SLC35F1: variants seen among roughly 807,000 people sequenced by gnomAD.
The protein encoded by SLC35F1 is solute carrier family 35 member F1.
A neutral mutation model predicts 48.7 loss-of-function variants in SLC35F1; 14 were observed. The ratio of observed to expected loss-of-function variants is 0.29; its 90% CI spans 0.19 to 0.45. The LOEUF is 0.45. Ranked by LOEUF, SLC35F1 falls within the 20% of genes least tolerant of loss-of-function variation. The probability of loss-of-function intolerance (pLI) is 1.00; values close to 1 mark genes in which losing one functional copy is unlikely to be tolerated. For synonymous variants in SLC35F1, 190 were observed against 202.2 expected (o/e 0.94, Z 0.51); for missense variants, 404 against 500.0 (o/e 0.81, Z 1.83).
At chr6:117,981,282 T>C (rs1306205200) in intron 1 of SLC35F1, among the ~76,000 whole-genome samples, 1 of 152,006 alleles carries the variant, frequency 6.6e-6, no homozygotes, top group East Asian at 1.9e-4. Flanking sequence ...GCTGGAGACA[T>C]GGAGATGGTG....
chr6:118,116,795 C>T (rs1453444791), intron 1 of SLC35F1, among the ~76,000 whole-genome samples: 1 of 152,144 alleles, frequency 6.6e-6, no homozygotes, highest in Non-Finnish European at 1.5e-5. Flanking sequence ...AATTTTGACC[C>T]ATGACTTTGC....
chr6:118,297,642 A>ATAT (rs1158125735), intron 7 of SLC35F1, among the ~76,000 whole-genome samples: 3 of 37,460 alleles, frequency 8.0e-5, no homozygotes, highest in South Asian at 7.7e-4. Context: ...ATATATAAAA[A>ATAT]ATATATATAT....
At chr6:118,048,766 A>G (rs7773823) in intron 1 of SLC35F1, among the ~76,000 whole-genome samples, 74,903 of 152,016 alleles carry the variant, frequency 0.49, 19,540 homozygotes, top group Middle Eastern at 0.63. Context: ...AAGAATCAAT[A>G]TCGTGAAAAT....
At chr6:117,918,077 G>T (rs1463656140) in intron 1 of SLC35F1, among the ~76,000 whole-genome samples, 1 of 152,146 alleles carries the variant, frequency 6.6e-6, no homozygotes, top group African/African-American at 2.4e-5. Flanking sequence ...GAACCCTGTG[G>T]CTGTGGCAAC....
At chr6:117,993,567 C>T (rs1776947350) in intron 1 of SLC35F1, among the ~76,000 whole-genome samples, 1 of 152,086 alleles carries the variant, frequency 6.6e-6, no homozygotes, top group Non-Finnish European at 1.5e-5. Context: ...TCAAGTACAA[C>T]AAATGAGTGT....
chr6:118,025,179 AG>A (rs1254379158), intron 1 of SLC35F1, among the ~76,000 whole-genome samples: 1 of 152,140 alleles, frequency 6.6e-6, no homozygotes, highest in Non-Finnish European at 1.5e-5. Context: ...CATTAAATGT[AG>A]TTGTATATCT....
chr6:118,064,263 A>C (rs1237916978), intron 1 of SLC35F1, among the ~76,000 whole-genome samples: 1 of 152,210 alleles, frequency 6.6e-6, no homozygotes, highest in Non-Finnish European at 1.5e-5. Context: ...CCCTCCCACA[A>C]CACATGGAAA....
intron 1 of SLC35F1, among the ~76,000 whole-genome samples, chr6:117,925,771 G>A (rs1776019466): frequency 6.6e-6 from 1 of 152,004 alleles, no homozygotes; most frequent in South Asian, 2.1e-4. Context: ...TTCTGCTGAG[G>A]GTAGAAAGAA....
At chr6:118,075,186 A>G (rs1317534228) in intron 1 of SLC35F1, among the ~76,000 whole-genome samples, 1 of 152,212 alleles carries the variant, frequency 6.6e-6, no homozygotes, top group East Asian at 1.9e-4. Flanking sequence ...TGCAGTCAGT[A>G]TCTTATTTAT....
At position 118,026,681 on chromosome 6, in the gene SLC35F1, G is replaced by A. The variant is rs547609563; in HGVS notation, c.173+118782G>A. 7.9e-5 allele frequency among the ~76,000 whole-genome samples: 12 copies of A among 152,258 alleles called. No individual in the cohort carries two copies. The South Asian group carries it at 2.3e-3, about 29-fold the overall frequency. On this transcript the variant is annotated intron_variant, in intron 1 of 7. Coordinates refer to ENST00000360388, the MANE Select transcript of SLC35F1 (RefSeq NM_001029858.4). ...AAGGATTTTAAAGTGTCATTAAGCT[G>A]GTATTGAGAAGTTATTTTCAGCATG...
chr6:118,128,768 A>G (rs1007108288), intron 1 of SLC35F1, among the ~76,000 whole-genome samples: 1 of 151,862 alleles, frequency 6.6e-6, no homozygotes, highest in Non-Finnish European at 1.5e-5. Flanking sequence ...ATATGTAACT[A>G]ACCTGCACAT....
intron 1 of SLC35F1, among the ~76,000 whole-genome samples, chr6:118,126,249 T>A (rs1773622799): frequency 6.6e-6 from 1 of 152,180 alleles, no homozygotes; most frequent in Non-Finnish European, 1.5e-5. Flanking sequence ...TTAATTCATG[T>A]CAAATGTTTA....
intron 2 of SLC35F1, among the ~76,000 whole-genome samples, chr6:118,192,933 A>G (rs998010150): frequency 6.6e-6 from 1 of 152,178 alleles, no homozygotes; most frequent in African/African-American, 2.4e-5. Flanking sequence ...ATTATTAAAC[A>G]GAATTCCAGG....
At chr6:118,298,908 C>T (rs1353538259) in intron 7 of SLC35F1, among the ~76,000 whole-genome samples, 1 of 152,196 alleles carries the variant, frequency 6.6e-6, no homozygotes, top group Non-Finnish European at 1.5e-5. Context: ...GGCATGGTGG[C>T]TCATGCCTGT....
intron 1 of SLC35F1, among the ~76,000 whole-genome samples, chr6:118,008,089 C>T (rs1448572700): frequency 6.6e-6 from 1 of 152,070 alleles, no homozygotes; most frequent in African/African-American, 2.4e-5. Flanking sequence ...TTTTAATCCT[C>T]CTCTGGTCAG....
At chr6:118,066,576 A>G (rs138285175) in intron 1 of SLC35F1, among the ~76,000 whole-genome samples, 10 of 152,212 alleles carry the variant, frequency 6.6e-5, no homozygotes, top group African/African-American at 2.4e-4. Context: ...ATCCAGATAA[A>G]CTATGCCTGG....
chr6:118,100,651 C>T (rs371216777), intron 1 of SLC35F1, among the ~76,000 whole-genome samples: 1 of 152,292 alleles, frequency 6.6e-6, no homozygotes, highest in South Asian at 2.1e-4. Flanking sequence ...CAAAGTGTGA[C>T]AGTGTTCTGT....
intron 1 of SLC35F1, among the ~76,000 whole-genome samples, chr6:118,038,222 G>A (rs898979214): frequency 6.6e-6 from 1 of 151,988 alleles, no homozygotes; most frequent in Non-Finnish European, 1.5e-5. Flanking sequence ...ATTTTAAATA[G>A]TTTAAGTGGA....
intron 1 of SLC35F1, among the ~76,000 whole-genome samples, chr6:118,105,454 A>G (rs2114372646): frequency 6.6e-6 from 1 of 152,298 alleles, no homozygotes; most frequent in East Asian, 1.9e-4. Flanking sequence ...AAATAATTCA[A>G]GCACCTTACA....
Sources: gnomAD v4.1 joint callset for allele counts (sites outside exome capture counted in the v4.1 genomes callset) on GRCh38, gnomAD v4.1.1 for gene constraint, MANE v1.5 for transcripts, NCBI Gene and HGNC (gene_info 2026-07-23, HGNC 2026-07-21) for gene names.